Variants in FER1L5 observed in about 807,000 individuals in gnomAD.
FER1L5 encodes fer-1 like family member 5.
In FER1L5, 187 loss-of-function variants were observed where a neutral mutation model predicts 279.9. That is an observed-to-expected ratio of 0.67 (90% CI 0.59 to 0.75). FER1L5 has a LOEUF of 0.75. Ranked by LOEUF, FER1L5 falls within the 30% of genes least tolerant of loss-of-function variation. The pLI is 0.00. For missense variants in FER1L5, 2,091 were observed against 2,594.4 expected, an observed-to-expected ratio of 0.81 and a Z score of 4.21; for synonymous variants, 921 against 989.7, an observed-to-expected ratio of 0.93 and a Z score of 1.30.
At chr2:96,687,987 CG>C in intron 24 of FER1L5, 40 bp downstream of exon 24, 2 of 1,547,652 alleles carry the variant, frequency 1.3e-6, no homozygotes, top group Non-Finnish European at 1.7e-6. Flanking sequence ...GGCAGGCACG[CG>C]GGGGTGGGGG....
At chr2:96,676,896 G>A (rs933012529) in intron 19 of FER1L5, among the ~76,000 whole-genome samples, 1 of 151,718 alleles carries the variant, frequency 6.6e-6, no homozygotes, top group Non-Finnish European at 1.5e-5. Context: ...TCACTCTGTC[G>A]CCCAGGCCGG....
At position 96,703,638 on chromosome 2, in the gene FER1L5, G is replaced by C; in HGVS notation, c.5801+6G>C. The C allele has an allele frequency of 1.2e-6, 2 of 1,613,370 alleles. No homozygotes were observed. Among genetic ancestry groups the C allele is most frequent in the Non-Finnish European group, 1.7e-6 (2 of 1,179,484 alleles). On this transcript the variant is annotated splice_donor_region_variant and intron_variant, in intron 51 of 52. Transcript: ENST00000624922. ...CCCACACTTCATCCTCCCCTGTAAG[G>C]GTCCTTGGGGCAAAAGCACCAGATC... is the stretch of plus-strand genomic sequence containing the variant.
intron 13 of FER1L5, among the ~76,000 whole-genome samples, chr2:96,663,068 T>C (rs773869366): frequency 1.3e-5 from 2 of 152,258 alleles, no homozygotes; most frequent in Admixed American, 6.5e-5. Flanking sequence ...AAAACAGGCA[T>C]GCTGCTGCCA....
rs574818281 is a variant in FER1L5, at chr2:96,698,569, C to T, written c.4357-102C>T. The T allele has an allele frequency of 2.0e-5, 21 of 1,031,254 alleles. No homozygotes were observed. The South Asian group carries it at 3.2e-4, about 16-fold the overall frequency. 63.9% of individuals were successfully genotyped at this position (1,031,254 alleles called of 1,614,324 possible). ...CCTTCTATCCCTGCCACCCTCAGCCCAACCCTCTCTCTCCTGAACATGGGC... is the reference window on the plus strand; with the variant it reads ...CCTTCTATCCCTGCCACCCTCAGCCTAACCCTCTCTCTCCTGAACATGGGC... On this transcript the variant is annotated intron_variant, in intron 40 of 52. Coordinates refer to ENST00000624922, the MANE Select transcript of FER1L5 (RefSeq NM_001293083.2). This position sits in a 1 kb window ranked among gnomAD's most constrained non-coding sequence, Gnocchi z 5.5.
intron 21 of FER1L5, 67 bp from the exon 22 acceptor site, chr2:96,685,872 AG>A (rs2076904741): frequency 6.9e-7 from 1 of 1,456,774 alleles, no homozygotes; most frequent in Non-Finnish European, 9.1e-7. Flanking sequence ...GGCCTAAGGC[AG>A]GGCAGGAATG....
At chr2:96,669,304 C>T (rs1431353596) in intron 17 of FER1L5, among the ~76,000 whole-genome samples, 167 bp downstream of exon 17, 3 of 152,108 alleles carry the variant, frequency 2.0e-5, no homozygotes, top group African/African-American at 7.2e-5. Flanking sequence ...GTGGGACAGG[C>T]GTGGGGGCAC....
intron 4 of FER1L5, among the ~76,000 whole-genome samples, chr2:96,649,062 G>A (rs989141034): frequency 1.2e-4 from 18 of 152,088 alleles, no homozygotes; most frequent in African/African-American, 4.1e-4. Flanking sequence ...GGAGGTGGGA[G>A]AGCTTAGGTT....
chr2:96,661,335 C>A lies in FER1L5; in HGVS notation c.789C>A (p.Leu263=), dbSNP rs1269105822. 6.5e-7 allele frequency: 1 copy of A among 1,550,042 alleles called. No homozygotes were observed. Among genetic ancestry groups the A allele is most frequent in the Admixed American group, 2.0e-5 (1 of 50,396 alleles). Residue 263 remains leucine, a synonymous_variant, in exon 11 of 53, where the codon CTC becomes CTA. Transcript: ENST00000624922. ...GFIYHSPGHT[L]LRKWLGLCQP... is the part of the protein sequence containing the mutation. ...TTTCTGCCTCTCTAGGTCACACACTCCTAAGGAAATGGCTAGGCCTCTGCC... is the reference window on the plus strand; with the variant it reads ...TTTCTGCCTCTCTAGGTCACACACTACTAAGGAAATGGCTAGGCCTCTGCC...
intron 1 of FER1L5, among the ~76,000 whole-genome samples, chr2:96,645,722 G>T (rs2075091308): frequency 6.6e-6 from 1 of 152,032 alleles, no homozygotes; most frequent in Non-Finnish European, 1.5e-5. Context: ...GTTGCATTGA[G>T]CCCACATCAT....
intron 19 of FER1L5, among the ~76,000 whole-genome samples, chr2:96,674,732 G>T (rs1364364295): frequency 6.6e-6 from 1 of 152,068 alleles, no homozygotes; most frequent in East Asian, 1.9e-4. Context: ...GATCACCTGA[G>T]CCTGGGAGGC....
rs753782366 is a variant in FER1L5, at chr2:96,704,516, C to T, written c.5998C>T (p.Pro2000Ser). 3.1e-6 allele frequency: 5 copies of T among 1,613,896 alleles called. No individual in the cohort carries two copies. In the Admixed American group the frequency reaches 8.3e-5, roughly 27 times the overall value. Reference protein sequence around the residue: ...WIKPQLQLYPPIKIFNIINSL... With the variant: ...WIKPQLQLYPSIKIFNIINSL... ...CAAACCTCAACTTCAGCTGTATCCTCCCATTAAAATATTCAATATCATCAA... is the reference window on the plus strand; with the variant it reads ...CAAACCTCAACTTCAGCTGTATCCTTCCATTAAAATATTCAATATCATCAA... The change falls in exon 53 of 53, where the codon CCC becomes TCC. Residue 2000 changes from proline (P) to serine (S), a missense_variant. Pro to Ser is a moderately conservative substitution (Grantham distance 74, BLOSUM62 -1). Coordinates refer to ENST00000624922, the MANE Select transcript of FER1L5 (RefSeq NM_001293083.2).
At chr2:96,661,902 G>A (rs1250082220) in intron 12 of FER1L5, 111 bp downstream of exon 12, 4 of 1,436,326 alleles carry the variant, frequency 2.8e-6, no homozygotes, top group South Asian at 1.4e-5. Context: ...ACTGTTTGGG[G>A]TAGGGGGGAC....
intron 9 of FER1L5, among the ~76,000 whole-genome samples, chr2:96,658,104 C>G (rs781571768): frequency 3.9e-5 from 6 of 151,918 alleles, no homozygotes; most frequent in African/African-American, 1.5e-4. Flanking sequence ...GCAACCTCCC[C>G]CTCCTGGGTT....
At chr2:96,684,128 G>C (rs2076833509) in intron 19 of FER1L5, among the ~76,000 whole-genome samples, 199 bp from the exon 20 acceptor site, 1 of 152,206 alleles carries the variant, frequency 6.6e-6, no homozygotes, top group Non-Finnish European at 1.5e-5. Flanking sequence ...GACAATGAAG[G>C]GTCAAAGTGC....
chr2:96,665,179 A>G (rs2076085448), intron 14 of FER1L5, among the ~76,000 whole-genome samples: 1 of 152,210 alleles, frequency 6.6e-6, no homozygotes, highest in Non-Finnish European at 1.5e-5. Context: ...GAGCTGAGAG[A>G]TAACTTGAGC....
chr2:96,691,452 C>G lies in FER1L5; in HGVS notation c.2915C>G (p.Ala972Gly). The change falls in exon 29 of 53, where the codon GCC becomes GGC. Residue 972 changes from alanine to glycine, a missense_variant. Physicochemically the swap from Ala to Gly is moderately conservative, Grantham distance 60. Transcript: ENST00000624922. The surrounding 1 kb of genome is among the most constrained non-coding windows in gnomAD (Gnocchi z 6.0). ...ETLSFLQLGL[A>G]KGEEEGWEYD... ...CTCTCCTCCCCACCACAGGGCCTGG[C>G]CAAGGGCGAGGAGGAGGGCTGGGAG... 1 of 1,540,736 alleles carries G rather than the reference C, an allele frequency of 6.5e-7. No individual in the cohort carries two copies. The highest frequency in any genetic ancestry group is 8.8e-7 in the Non-Finnish European group (1 of 1,141,304).
chr2:96,650,967 C>T (rs1457139194), intron 6 of FER1L5, among the ~76,000 whole-genome samples: 1 of 152,230 alleles, frequency 6.6e-6, no homozygotes, highest in Non-Finnish European at 1.5e-5. Flanking sequence ...CATCAGAAGG[C>T]TTCTCCTGAA....
chr2:96,662,520 C>T (rs953010759), intron 13 of FER1L5, among the ~76,000 whole-genome samples: 6 of 151,982 alleles, frequency 3.9e-5, no homozygotes, highest in Admixed American at 1.3e-4. Context: ...TGAGTGAACA[C>T]CATCGAAACT....
chr2:96,661,657 G>A lies in FER1L5; in HGVS notation c.895-11G>A. 1 of 1,551,646 alleles carries A rather than the reference G, an allele frequency of 6.4e-7. No individual in the cohort carries two copies. Among genetic ancestry groups the A allele is most frequent in the South Asian group, 1.2e-5 (1 of 84,056 alleles). On this transcript the variant is annotated splice_polypyrimidine_tract_variant and intron_variant, in intron 11 of 52. Coordinates refer to ENST00000624922, the MANE Select transcript of FER1L5 (RefSeq NM_001293083.2). ...ATTACCTTGACTATATCAGCTCTCT[G>A]GTCTCTCCAGATAGATCAAAAGCTG...
Sources: allele counts gnomAD v4.1 joint callset (sites outside exome capture counted in the v4.1 genomes callset), GRCh38; gene constraint gnomAD v4.1.1; non-coding constraint Gnocchi (gnomAD v3.1); transcripts MANE v1.5; gene names NCBI Gene and HGNC (gene_info 2026-07-23, HGNC 2026-07-21).